The following PRKN variants were observed in gnomAD, a reference collection of about 807,000 sequenced individuals.
PRKN encodes the protein E3 ubiquitin-protein ligase parkin.
In PRKN, 56 loss-of-function variants were observed where a neutral mutation model predicts 59.5. The ratio of observed to expected loss-of-function variants is 0.94; its 90% CI spans 0.76 to 1.18. The LOEUF is 1.18. Ranked by LOEUF, PRKN falls within the 50% of genes most tolerant of loss-of-function variation. The pLI is 0.00. For missense variants in PRKN, 657 were observed against 596.4 expected (o/e 1.10, Z -1.06); for synonymous variants, 250 against 222.1 (o/e 1.13, Z -1.12).
intron 4 of PRKN, among the ~76,000 whole-genome samples, chr6:162,162,486 C>T (rs2128317083): frequency 6.6e-6 from 1 of 152,212 alleles, no homozygotes; most frequent in African/African-American, 2.4e-5. Flanking sequence ...TTCAGGCATC[C>T]ACTGGGGATC....
chr6:162,270,076 T>A (rs568333422), intron 2 of PRKN: 1 of 152,296 alleles, frequency 6.6e-6, no homozygotes, highest in South Asian at 2.1e-4. Flanking sequence ...CACACGCAAG[T>A]TTATAGCAGC....
intron 9 of PRKN, among the ~76,000 whole-genome samples, chr6:161,452,469 G>T (rs1198286702): frequency 6.6e-6 from 1 of 152,158 alleles, no homozygotes; most frequent in Non-Finnish European, 1.5e-5. Flanking sequence ...TCACAAGGCT[G>T]AGCTGTTTCA....
intron 9 of PRKN, among the ~76,000 whole-genome samples, chr6:161,505,723 C>A (rs1184977319): frequency 1.2e-5 from 1 of 82,420 alleles, no homozygotes; most frequent in Non-Finnish European, 2.5e-5. Flanking sequence ...GGAAGGGATC[C>A]AGTTTCAGCT....
intron 3 of PRKN, among the ~76,000 whole-genome samples, chr6:162,245,296 C>T (rs1268370554): frequency 6.6e-6 from 1 of 151,918 alleles, no homozygotes; most frequent in African/African-American, 2.4e-5. Flanking sequence ...TGGTTTATTG[C>T]CCTGTAAACA....
chr6:161,907,697 G>A (rs537608864), intron 6 of PRKN, among the ~76,000 whole-genome samples: 93 of 152,324 alleles, frequency 6.1e-4, no homozygotes, highest in African/African-American at 2.2e-3. Context: ...GGTCTGTAGA[G>A]TTCGGACTGT....
chr6:162,527,920 T>G (rs1778352037), intron 1 of PRKN, among the ~76,000 whole-genome samples: 1 of 152,114 alleles, frequency 6.6e-6, no homozygotes, highest in Non-Finnish European at 1.5e-5. Flanking sequence ...GGATCCAGCC[T>G]GGGCCTCCTT....
chr6:161,904,664 G>T (rs1292508832), intron 6 of PRKN, among the ~76,000 whole-genome samples: 1 of 152,076 alleles, frequency 6.6e-6, no homozygotes, highest in Non-Finnish European at 1.5e-5. Flanking sequence ...ACCGCAGGGG[G>T]TGGGCCTCTG....
chr6:161,727,789 T>C (rs984491469), intron 7 of PRKN, among the ~76,000 whole-genome samples: 5 of 152,354 alleles, frequency 3.3e-5, no homozygotes, highest in African/African-American at 1.2e-4. Flanking sequence ...GCTGTCACTA[T>C]GCAACTTACA....
In PRKN at chr6:161,554,732, GTGTA is replaced by G. The variant is rs1190024164; in HGVS notation, c.934-5733_934-5730del. Among the ~76,000 whole-genome samples the G allele has an allele frequency of 2.9e-4, 35 of 120,324 alleles. No individual in the cohort carries two copies. Among genetic ancestry groups the G allele is most frequent in the African/African-American group, 1.0e-3 (33 of 31,846 alleles). 78.9% of individuals were successfully genotyped at this position (120,324 alleles called of 152,430 possible). A position where few individuals can be genotyped will look rare whatever the true frequency, so the allele number is the denominator to read the frequency against. Reference sequence around the variant, plus strand: ...AGGGATTGTGTGTGTGTGTGTGTGTGTGTATATATATATATATATATACATACAC... The same window carrying G: ...AGGGATTGTGTGTGTGTGTGTGTGTGTATATATATATATATATACATACAC... On this transcript the variant is annotated intron_variant, in intron 8 of 11. Transcript: ENST00000366898. This position sits in a 1 kb window ranked among gnomAD's most constrained non-coding sequence, Gnocchi z 4.5.
chr6:162,469,249 C>A (rs1286981540), intron 1 of PRKN, among the ~76,000 whole-genome samples: 2 of 147,052 alleles, frequency 1.4e-5, no homozygotes, highest in African/African-American at 2.5e-5. Flanking sequence ...AGGAGGCGGT[C>A]GAGATGGACA....
In PRKN at chr6:162,394,113, C is replaced by T. The variant is rs947348029; in HGVS notation, c.171+49197G>A. Among the ~76,000 whole-genome samples, 4 of 152,232 alleles carry T rather than the reference C, an allele frequency of 2.6e-5. No individual in the cohort carries two copies. The South Asian group carries it at 6.2e-4, about 24-fold the overall frequency. On this transcript the variant is annotated intron_variant, in intron 2 of 11. Transcript: ENST00000366898. ...ATTTCCTATTTTCCCATAATATTAACAAACATTTACGTATTTGAGAAAGAA... is the reference window on the plus strand; with the variant it reads ...ATTTCCTATTTTCCCATAATATTAATAAACATTTACGTATTTGAGAAAGAA...
chr6:162,379,545 CTAATCCCCT>C (rs751301882), intron 2 of PRKN, among the ~76,000 whole-genome samples: 20 of 152,258 alleles, frequency 1.3e-4, no homozygotes, highest in Non-Finnish European at 2.5e-4. Context: ...CAGGGTCAGG[CTAATCCCCT>C]TAACTCTCCT....
At chr6:162,502,404 C>T (rs996690682) in intron 1 of PRKN, among the ~76,000 whole-genome samples, 4 of 152,116 alleles carry the variant, frequency 2.6e-5, no homozygotes, top group African/African-American at 9.7e-5. Flanking sequence ...CAGGCCATTT[C>T]CCCAACGCCT....
chr6:162,265,798 G>A (rs561639271), intron 2 of PRKN, among the ~76,000 whole-genome samples: 5 of 152,284 alleles, frequency 3.3e-5, no homozygotes, highest in Non-Finnish European at 5.9e-5. Context: ...GCAGGGACCC[G>A]CAGCTGAAGC....
chr6:161,959,450 A>G (rs1028037808), intron 6 of PRKN, among the ~76,000 whole-genome samples: 1 of 152,224 alleles, frequency 6.6e-6, no homozygotes, highest in South Asian at 2.1e-4. Context: ...CAGCAGCCAC[A>G]TATAAGAGGT....
At chr6:161,901,964 C>T (rs1462537016) in intron 6 of PRKN, among the ~76,000 whole-genome samples, 1 of 152,128 alleles carries the variant, frequency 6.6e-6, no homozygotes, top group Non-Finnish European at 1.5e-5. Context: ...CTAACCTGGC[C>T]TGCACATTAA....
intron 3 of PRKN, among the ~76,000 whole-genome samples, chr6:162,258,964 T>C (rs1448789402): frequency 6.6e-6 from 1 of 152,190 alleles, no homozygotes; most frequent in Non-Finnish European, 1.5e-5. Flanking sequence ...GAAGTTTCCA[T>C]TTGTTTCGAC....
intron 4 of PRKN, among the ~76,000 whole-genome samples, chr6:162,079,311 TC>T (rs1488680020): frequency 6.6e-6 from 1 of 152,166 alleles, no homozygotes; most frequent in Non-Finnish European, 1.5e-5. Flanking sequence ...AGGCAGATAC[TC>T]CGTTGCCCAA....
At chr6:162,304,084 G>GAA (rs59752780) in intron 2 of PRKN, among the ~76,000 whole-genome samples, 8,336 of 147,420 alleles carry the variant, frequency 0.057, 1,005 homozygotes, top group African/African-American at 0.2. Context: ...TGTGAAGGGA[G>GAA]AAAAAAAAAG....
Sources: gnomAD v4.1 joint callset for allele counts (sites outside exome capture counted in the v4.1 genomes callset) on GRCh38, gnomAD v4.1.1 for gene constraint, Gnocchi (gnomAD v3.1) non-coding constraint, MANE v1.5 for transcripts, NCBI Gene and HGNC (gene_info 2026-07-23, HGNC 2026-07-21) for gene names.